Variants in MAGED1 observed in about 807,000 individuals in gnomAD.
MAGED1 encodes MAGE family member D1.
MAGED1 carries 3 observed loss-of-function variants against 54.1 expected under a neutral mutation model. The ratio of observed to expected loss-of-function variants is 0.06; its 90% CI spans 0.03 to 0.14. The LOEUF is 0.14. Ranked by LOEUF, MAGED1 falls within the 10% of genes least tolerant of loss-of-function variation. The pLI, the probability that MAGED1 is intolerant of heterozygous loss-of-function variation, is 1.00. For missense variants in MAGED1, 485 were observed against 623.4 expected (o/e 0.78, Z 2.36); for synonymous variants, 217 against 227.3 (o/e 0.95, Z 0.41).
intron 1 of MAGED1, among the ~76,000 whole-genome samples, chrX:51,873,540 A>G (rs920464062): frequency 9.5e-6 from 1 of 105,504 alleles, no homozygotes; most frequent in African/African-American, 3.5e-5. Flanking sequence ...TGTGTGAGAG[A>G]GAGAGAGAGA....
chrX:51,884,810 C>T (rs1928183201), intron 1 of MAGED1, among the ~76,000 whole-genome samples: 1 of 112,314 alleles, frequency 8.9e-6, no homozygotes, highest in Non-Finnish European at 1.9e-5. Flanking sequence ...TACGGTTCAG[C>T]ATCCATAAAT....
At position 51,895,131 on chromosome X, in the gene MAGED1, A is replaced by G. The variant is rs1467011012; in HGVS notation, c.124A>G (p.Thr42Ala). 9 of 1,210,154 alleles carry G rather than the reference A, an allele frequency of 7.4e-6. No individual in the cohort carries two copies. Among genetic ancestry groups the G allele is most frequent in the Non-Finnish European group, 1.0e-5 (9 of 895,207 alleles). The change falls in exon 3 of 13, where the codon ACT (threonine) becomes GCT (alanine). Residue 42 changes from threonine to alanine, a missense_variant. By Grantham distance (58) the Thr-to-Ala change is moderately conservative (BLOSUM62 0). Transcript: ENST00000326587. ...CATCCAGATCTCAGAGGCTCCACCT[A>G]CTAACCAGGCCACCGCAGCTGCTAG... is the stretch of plus-strand genomic sequence containing the variant. ...EAIQISEAPP[T>A]NQATAAASPQ...
At chrX:51,894,608 CA>C (rs782496276) in intron 2 of MAGED1, 2 of 1,146,230 alleles carry the variant, frequency 1.7e-6, no homozygotes, top group South Asian at 1.9e-5. Context: ...GGTAAGGAAC[CA>C]TTTTTTTTTT....
At chrX:51,877,499 AAC>A (rs1927915436) in intron 1 of MAGED1, among the ~76,000 whole-genome samples, 1 of 111,285 alleles carries the variant, frequency 9.0e-6, no homozygotes, top group South Asian at 3.8e-4. Flanking sequence ...TACCCGTTTG[AAC>A]TAGTAATTCC....
At chrX:51,871,630 C>G (rs1164260582) in intron 1 of MAGED1, among the ~76,000 whole-genome samples, 3 of 111,058 alleles carry the variant, frequency 2.7e-5, no homozygotes, top group African/African-American at 9.9e-5. Flanking sequence ...GCATAGTATT[C>G]CATGGTGTAT....
chrX:51,878,825 A>G (rs782583906), intron 1 of MAGED1, among the ~76,000 whole-genome samples: 56 of 111,749 alleles, frequency 5.0e-4, no homozygotes, highest in Middle Eastern at 4.6e-3. Flanking sequence ...GGATTTAAGA[A>G]TTCTAAAGTG....
chrX:51,829,306 T>C (rs1409238747), intron 1 of MAGED1, among the ~76,000 whole-genome samples: 1 of 110,453 alleles, frequency 9.1e-6, no homozygotes, highest in African/African-American at 3.3e-5. Flanking sequence ...AATAGACCAG[T>C]GTGTTTGTGT....
At chrX:51,819,313 C>T (rs1411917819) in intron 1 of MAGED1, among the ~76,000 whole-genome samples, 4 of 110,073 alleles carry the variant, frequency 3.6e-5, no homozygotes, top group Non-Finnish European at 5.7e-5. Context: ...CTAACCACAA[C>T]GAAAACCCAA....
At chrX:51,875,206 A>G (rs1306857641) in intron 1 of MAGED1, among the ~76,000 whole-genome samples, 1 of 72,118 alleles carries the variant, frequency 1.4e-5, no homozygotes, top group Non-Finnish European at 2.6e-5. Flanking sequence ...GCCTCAGGCA[A>G]TTTCCTTTTA....
intron 1 of MAGED1, among the ~76,000 whole-genome samples, chrX:51,814,868 C>T (rs1438905857): frequency 2.8e-5 from 3 of 107,762 alleles, no homozygotes; most frequent in Admixed American, 1.0e-4. Flanking sequence ...TGGTGGCTCA[C>T]GCCTGTAATC....
intron 10 of MAGED1, 179 bp from the exon 11 acceptor site, chrX:51,900,003 G>A (rs898143651): frequency 1.4e-5 from 6 of 417,239 alleles, no homozygotes; most frequent in Non-Finnish European, 2.1e-5. Context: ...AGTGCTTAGC[G>A]TTCTAGTGCA....
intron 1 of MAGED1, among the ~76,000 whole-genome samples, chrX:51,877,387 A>G (rs1927911247): frequency 9.0e-6 from 1 of 111,614 alleles, no homozygotes. Flanking sequence ...AATGTTCAGC[A>G]CTGTTAAGGG....
rs562989266 is a variant in MAGED1 at position 51,824,749 on chromosome X, T to C, written c.-37+21632T>C. Among the ~76,000 whole-genome samples, 49 of 98,518 alleles carry C rather than the reference T, an allele frequency of 5.0e-4. No homozygotes were observed. In the South Asian group the frequency reaches 0.018, roughly 36 times the overall value. The allele number at this position is 98,518 out of a possible 115,157, so 85.6% of individuals were successfully genotyped here. A position where few individuals can be genotyped will look rare whatever the true frequency, so the allele number is the denominator to read the frequency against. On this transcript the variant is annotated intron_variant, in intron 1 of 12. Transcript: ENST00000375772. ...GTGTGTGTGTCTGTATATATATATA[T>C]ACACATACATATATACACGTATGTA...
At chrX:51,871,210 A>G (rs1343683427) in intron 1 of MAGED1, among the ~76,000 whole-genome samples, 2 of 110,923 alleles carry the variant, frequency 1.8e-5, no homozygotes, top group African/African-American at 3.3e-5. Context: ...AAGCTGCATT[A>G]CTTACTGATT....
chrX:51,894,575 A>G (rs1179086856), intron 2 of MAGED1: 20 of 1,084,606 alleles, frequency 1.8e-5, no homozygotes, highest in Non-Finnish European at 2.4e-5. Context: ...AGTCAGGGCA[A>G]TCTGCCCAGA....
intron 1 of MAGED1, chrX:51,856,897 T>A (rs782360897): frequency 9.0e-6 from 1 of 111,626 alleles, no homozygotes; most frequent in East Asian, 2.8e-4. Context: ...ATATTATATA[T>A]GGGAATCTTC....
rs781864704 is a variant in MAGED1, at chrX:51,864,171, T to TGA, written c.-36-30080_-36-30079dup. Among the ~76,000 whole-genome samples, 742 of 100,239 alleles carry TGA rather than the reference T, an allele frequency of 7.4e-3. 7 individuals are homozygous for TGA. Among genetic ancestry groups the TGA allele is most frequent in the African/African-American group, 0.016 (444 of 27,188 alleles). 87.0% of individuals were successfully genotyped at this position (100,239 alleles called of 115,157 possible). On this transcript the variant is annotated intron_variant, in intron 1 of 12. Coordinates refer to the MAGED1 transcript ENST00000375772. ...AATTTCCAATTTGAGTTGAGGGGTG[T>TGA]GAGAGAGAGAGAGAGAGAGTGTGTG...
At chrX:51,868,820 G>A (rs1431225347) in intron 1 of MAGED1, among the ~76,000 whole-genome samples, 1 of 111,230 alleles carries the variant, frequency 9.0e-6, no homozygotes, top group Non-Finnish European at 1.9e-5. Flanking sequence ...GAAGGCTGGT[G>A]TATGTCTGTG....
At chrX:51,887,327 C>A (rs1250924390) in intron 1 of MAGED1, among the ~76,000 whole-genome samples, 1 of 111,219 alleles carries the variant, frequency 9.0e-6, no homozygotes, top group East Asian at 2.8e-4. Context: ...TGTTTTGTAG[C>A]TATAAATAAG....
Sources: allele counts gnomAD v4.1 joint callset (sites outside exome capture counted in the v4.1 genomes callset), GRCh38; gene constraint gnomAD v4.1.1; transcripts MANE v1.5; gene names NCBI Gene and HGNC (gene_info 2026-07-23, HGNC 2026-07-21).